The following MDH2 variants were observed in gnomAD, a reference collection of about 807,000 sequenced individuals.
The protein encoded by MDH2 is malate dehydrogenase, mitochondrial.
MDH2 carries 25 observed loss-of-function variants against 33.6 expected under a neutral mutation model. The ratio of observed to expected loss-of-function variants is 0.74; its 90% CI spans 0.54 to 1.04. The LOEUF (loss-of-function observed/expected upper bound fraction) is 1.04, where lower values mean the gene tolerates loss of function less well. Ranked by LOEUF, MDH2 falls within the 50% of genes least tolerant of loss-of-function variation. The pLI is 0.00. For missense variants in MDH2, 432 were observed against 445.0 expected (o/e 0.97, Z 0.26); for synonymous variants, 193 against 188.7 (o/e 1.02, Z -0.19).
chr7:76,049,176 G>T, intron 1 of MDH2: 1 of 890,252 alleles, frequency 1.1e-6, no homozygotes, highest in Non-Finnish European at 1.3e-6. Flanking sequence ...AAATACAAAT[G>T]CTCCTGGATT....
chr7:76,065,908 C>T (rs548018135), intron 8 of MDH2, among the ~76,000 whole-genome samples: 21 of 152,326 alleles, frequency 1.4e-4, no homozygotes, highest in African/African-American at 5.1e-4. Context: ...GGGGAGAATA[C>T]GGTGAAGTGT....
rs1163176128 is a variant in MDH2, at chr7:76,064,344, C to T, written c.639C>T (p.Thr213=). The change falls in exon 7 of 9, where the codon ACC becomes ACT. Residue 213 remains threonine (T), a synonymous_variant. Coordinates refer to ENST00000315758, the MANE Select transcript of MDH2 (RefSeq NM_005918.4). The stretch of plus-strand genomic sequence containing the variant: ...TCCCATGGCTTGGCTTGCAGTGCAC[C>T]CCCAAGGTGGACTTTCCCCAGGACC... The part of the protein sequence containing the change: ...KTIIPLISQC[T]PKVDFPQDQL... 2 of 1,611,330 alleles carry T rather than the reference C, an allele frequency of 1.2e-6. No individual in the cohort carries two copies. The highest frequency in any genetic ancestry group is 3.3e-5 in the Admixed American group (2 of 59,712).
chr7:76,062,338 C>G (rs1378738097), intron 5 of MDH2, among the ~76,000 whole-genome samples: 1 of 152,228 alleles, frequency 6.6e-6, no homozygotes, highest in Non-Finnish European at 1.5e-5. Context: ...TGAGGGCAAG[C>G]CTCTGGAAAG....
intron 1 of MDH2, chr7:76,048,596 G>A (rs2116628583): frequency 7.7e-7 from 1 of 1,301,404 alleles, no homozygotes; most frequent in East Asian, 3.1e-5. Context: ...CTTTGACGTA[G>A]CTAATCTCCT....
intron 3 of MDH2, 54 bp from the exon 4 acceptor site, chr7:76,057,915 T>G: frequency 1.3e-6 from 2 of 1,552,318 alleles, no homozygotes; most frequent in South Asian, 2.2e-5. Context: ...ACATGCTGCC[T>G]GTCTGGAAAT....
At chr7:76,060,569 C>T (rs1554586876) in intron 5 of MDH2, 71 bp downstream of exon 5, 21 of 1,581,668 alleles carry the variant, frequency 1.3e-5, no homozygotes, top group African/African-American at 2.7e-5. Context: ...CATTTACGGG[C>T]GTGGAAGACA....
chr7:76,052,835 C>T (rs1797665815), intron 1 of MDH2, among the ~76,000 whole-genome samples: 1 of 152,060 alleles, frequency 6.6e-6, no homozygotes. Context: ...AGCCACCACG[C>T]CCAGCCCAGA....
In MDH2 at chr7:76,058,322, A is replaced by G. The variant is rs1247293008; in HGVS notation, c.429+244A>G. 12 of 483,996 alleles carry G rather than the reference A, an allele frequency of 2.5e-5. No homozygotes were observed. In the East Asian group the frequency reaches 3.1e-4, roughly 13 times the overall value. 30.0% of individuals were successfully genotyped at this position (483,996 alleles called of 1,614,324 possible). A position where few individuals can be genotyped will look rare whatever the true frequency, so the allele number is the denominator to read the frequency against. ...TCACAGCCAGCCTTGTGCTGTGGGC[A>G]GACCACGTCTCTCTCTGCTTTAGTT... On this transcript the variant is annotated intron_variant, in intron 4 of 8. Coordinates refer to ENST00000315758, the MANE Select transcript of MDH2 (RefSeq NM_005918.4).
chr7:76,057,358 G>C, intron 2 of MDH2, 52 bp from the exon 3 acceptor site: 1 of 1,604,526 alleles, frequency 6.2e-7, no homozygotes, highest in Non-Finnish European at 8.5e-7. Flanking sequence ...AACTTTCCAG[G>C]CCTCTCTGAA....
chr7:76,066,524 C>A lies in MDH2; in HGVS notation c.*114C>A. On this transcript the variant is annotated 3_prime_UTR_variant, in exon 9 of 9. Transcript: ENST00000315758. ...GCTTTGGTGATGATTACTGTATTGA[C>A]ATCATCATGCCTTCCAAATTGTGGG... The A allele has an allele frequency of 7.8e-7, 1 of 1,287,420 alleles. No individual in the cohort carries two copies. Among genetic ancestry groups the A allele is most frequent in the Non-Finnish European group, 1.0e-6 (1 of 976,280 alleles). The allele number at this position is 1,287,420 out of a possible 1,614,324, so 79.7% of individuals were successfully genotyped here. A position where few individuals can be genotyped will look rare whatever the true frequency, so the allele number is the denominator to read the frequency against.
chr7:76,064,486 A>G (rs1193137025), intron 7 of MDH2, 48 bp downstream of exon 7: 5 of 1,491,136 alleles, frequency 3.4e-6, no homozygotes, highest in Non-Finnish European at 4.6e-6. Context: ...AGGCCCTGCG[A>G]GAGCTCAGGG....
At chr7:76,052,408 G>A (rs1296371268) in intron 1 of MDH2, among the ~76,000 whole-genome samples, 2 of 137,556 alleles carry the variant, frequency 1.5e-5, no homozygotes, top group South Asian at 2.5e-4. Context: ...TCCAGCCTGG[G>A]TGAGAGAGGG....
intron 2 of MDH2, among the ~76,000 whole-genome samples, chr7:76,055,514 T>C (rs1167763745): frequency 6.6e-6 from 1 of 152,050 alleles, no homozygotes; most frequent in African/African-American, 2.4e-5. Context: ...GTCAGGAGGA[T>C]TGCTTGAGTC....
intron 1 of MDH2, among the ~76,000 whole-genome samples, chr7:76,049,808 G>C (rs1400356193): frequency 6.6e-6 from 1 of 152,142 alleles, no homozygotes; most frequent in Non-Finnish European, 1.5e-5. Flanking sequence ...ATTGTAGGGT[G>C]CTTGTGTTAG....
At chr7:76,064,088 C>CTT (rs1401804798) in intron 6 of MDH2, among the ~76,000 whole-genome samples, 9 of 145,526 alleles carry the variant, frequency 6.2e-5, no homozygotes, top group Admixed American at 1.4e-4. Flanking sequence ...TTCACTTCGT[C>CTT]TTTTTTTTTT....
intron 1 of MDH2, 179 bp from the exon 2 acceptor site, chr7:76,054,651 T>C (rs919008492): frequency 5.5e-6 from 4 of 727,174 alleles, no homozygotes; most frequent in Admixed American, 5.1e-5. Context: ...CATTTGAAAG[T>C]GGACCTTTGG....
intron 1 of MDH2, chr7:76,049,035 T>A (rs1797488247): frequency 1.0e-6 from 1 of 975,784 alleles, no homozygotes; most frequent in African/African-American, 1.8e-5. Context: ...TTAAACCTAA[T>A]TTTGAGAACC....
In MDH2 at chr7:76,064,410, G is replaced by A. The variant is rs782217927; in HGVS notation, c.705G>A (p.Thr235=). The change falls in exon 7 of 9, where the codon ACG becomes ACA. Residue 235 remains threonine (T), a synonymous_variant. Transcript: ENST00000315758. Reference sequence around the variant, plus strand: ...CTGGGCGGATCCAGGAGGCCGGCACGGAGGTGGTCAAGGCTAAAGCCGGAG... The same window carrying A: ...CTGGGCGGATCCAGGAGGCCGGCACAGAGGTGGTCAAGGCTAAAGCCGGAG... The part of the protein sequence containing the change: ...ALTGRIQEAG[T]EVVKAKAGAG... 6 of 1,613,486 alleles carry A rather than the reference G, an allele frequency of 3.7e-6. No individual in the cohort carries two copies. Among genetic ancestry groups the A allele is most frequent in the South Asian group, 3.3e-5 (3 of 90,930 alleles).
intron 8 of MDH2, 130 bp downstream of exon 8, chr7:76,065,083 C>G (rs1478413478): frequency 2.7e-6 from 3 of 1,106,462 alleles, no homozygotes; most frequent in African/African-American, 1.6e-5. Flanking sequence ...CTGTTGTTTT[C>G]AAGGGTGGAC....
Sources: allele counts gnomAD v4.1 joint callset (sites outside exome capture counted in the v4.1 genomes callset), GRCh38; gene constraint gnomAD v4.1.1; transcripts MANE v1.5; gene names NCBI Gene and HGNC (gene_info 2026-07-23, HGNC 2026-07-21).